The following NELL1 variants were observed in gnomAD, a reference collection of about 807,000 sequenced individuals.
NELL1 encodes the protein neural EGFL like 1.
Under a neutral mutation model 107.4 loss-of-function variants are expected in NELL1, and 76 were observed. That is an observed-to-expected ratio of 0.71 (90% confidence interval 0.59 to 0.86). The LOEUF (loss-of-function observed/expected upper bound fraction) is 0.86, where lower values mean the gene tolerates loss of function less well. Ranked by LOEUF, NELL1 falls within the 40% of genes least tolerant of loss-of-function variation. The pLI is 0.00. For synonymous variants in NELL1, 353 were observed against 341.2 expected (o/e 1.03, Z -0.38); for missense variants, 1,024 against 1,005.5 (o/e 1.02, Z -0.25).
At chr11:21,197,122 C>G (rs1461325543) in intron 13 of NELL1, among the ~76,000 whole-genome samples, 3 of 151,960 alleles carry the variant, frequency 2.0e-5, no homozygotes, top group Non-Finnish European at 2.9e-5. Context: ...TGTGATCCGC[C>G]TGCCTCAGCC....
chr11:21,398,761 C>A (rs1033586170), intron 15 of NELL1, among the ~76,000 whole-genome samples: 2 of 151,760 alleles, frequency 1.3e-5, no homozygotes, highest in Non-Finnish European at 2.9e-5. Flanking sequence ...GCTTAAAAAT[C>A]TACTTTTGTT....
chr11:21,002,533 G>A (rs1421676414), intron 12 of NELL1, among the ~76,000 whole-genome samples: 1 of 152,066 alleles, frequency 6.6e-6, no homozygotes, highest in Non-Finnish European at 1.5e-5. Context: ...GCAGAGCAAG[G>A]GTTAGCTACA....
chr11:20,732,654 G>A (rs762031147), intron 2 of NELL1, among the ~76,000 whole-genome samples: 30 of 152,150 alleles, frequency 2.0e-4, no homozygotes, highest in Non-Finnish European at 2.9e-4. Context: ...GAAGGCATAT[G>A]AGGCAGCAGG....
intron 2 of NELL1, among the ~76,000 whole-genome samples, chr11:20,714,194 A>ATTTTTTTTTTTTTT (rs34441596): frequency 4.9e-5 from 3 of 61,736 alleles, no homozygotes; most frequent in Non-Finnish European, 8.5e-5. Flanking sequence ...TATCTCCCCG[A>ATTTTTTTTTTTTTT]TTTTTTTTTT....
chr11:20,776,982 T>C (rs755088519), intron 2 of NELL1, among the ~76,000 whole-genome samples: 10 of 152,240 alleles, frequency 6.6e-5, no homozygotes, highest in Non-Finnish European at 1.5e-4. Context: ...ACAAATAGAT[T>C]GTTCATTCAT....
At chr11:20,686,373 A>G (rs974334488) in intron 2 of NELL1, among the ~76,000 whole-genome samples, 1 of 152,020 alleles carries the variant, frequency 6.6e-6, no homozygotes, top group African/African-American at 2.4e-5. Context: ...TAAGATTTTT[A>G]TTTTCTTCTT....
intron 3 of NELL1, among the ~76,000 whole-genome samples, chr11:20,828,516 A>G (rs1039201084): frequency 1.2e-4 from 18 of 152,186 alleles, no homozygotes; most frequent in African/African-American, 4.3e-4. Context: ...AATTTAACCT[A>G]GGGAGCTTGT....
Position 21,403,944 on chromosome 11 carries a change from TG to T in NELL1, c.1645+32998del, listed in dbSNP as rs575336045. On this transcript the variant is annotated intron_variant, in intron 15 of 19. Coordinates refer to ENST00000357134, the MANE Select transcript of NELL1 (RefSeq NM_006157.5). Reference sequence around the variant, plus strand: ...AGCAGCTAGAGCGTTCCGTGACTTATGGACTGTATCCTCCTCTAACCCTTGA... The same window carrying T: ...AGCAGCTAGAGCGTTCCGTGACTTATGACTGTATCCTCCTCTAACCCTTGA... 2.0e-5 allele frequency among the ~76,000 whole-genome samples: 3 copies of T among 149,982 alleles called. No individual in the cohort carries two copies. In the Admixed American group the frequency reaches 2.0e-4, roughly 10 times the overall value.
At chr11:20,802,261 C>A (rs932542572) in intron 3 of NELL1, among the ~76,000 whole-genome samples, 1 of 152,022 alleles carries the variant, frequency 6.6e-6, no homozygotes, top group Admixed American at 6.6e-5. Flanking sequence ...TCTTCACATT[C>A]TTTTATCAAT....
intron 13 of NELL1, 56 bp from the exon 14 acceptor site, chr11:21,229,276 C>T: frequency 1.3e-6 from 2 of 1,596,856 alleles, no homozygotes; most frequent in Non-Finnish European, 1.7e-6. Flanking sequence ...TTTCCCAATA[C>T]CAGTAATTCC....
intron 2 of NELL1, among the ~76,000 whole-genome samples, chr11:20,746,307 C>T (rs1263246293): frequency 6.6e-6 from 1 of 152,170 alleles, no homozygotes; most frequent in African/African-American, 2.4e-5. Context: ...TTTTCAAGAA[C>T]TCTAAGGTGA....
intron 2 of NELL1, among the ~76,000 whole-genome samples, chr11:20,690,968 G>C (rs1439549376): frequency 6.6e-6 from 1 of 152,050 alleles, no homozygotes; most frequent in African/African-American, 2.4e-5. Context: ...TTGAGCAGTG[G>C]TTTGTAGTTC....
At chr11:20,995,170 T>G (rs1317144945) in intron 12 of NELL1, among the ~76,000 whole-genome samples, 1 of 152,148 alleles carries the variant, frequency 6.6e-6, no homozygotes, top group Admixed American at 6.6e-5. Flanking sequence ...TTGATCACAT[T>G]AGGTATAGTG....
At chr11:20,859,335 TA>T (rs1848936704) in intron 4 of NELL1, among the ~76,000 whole-genome samples, 1 of 152,230 alleles carries the variant, frequency 6.6e-6, no homozygotes, top group African/African-American at 2.4e-5. Context: ...GTGTTGTTTT[TA>T]GATTCAAAGA....
chr11:20,884,027 T>C (rs1849458454), intron 4 of NELL1, among the ~76,000 whole-genome samples: 1 of 152,182 alleles, frequency 6.6e-6, no homozygotes, highest in Non-Finnish European at 1.5e-5. Context: ...TTTTCCTGAT[T>C]ATGTTTTGAG....
At chr11:21,064,315 C>A (rs528344858) in intron 12 of NELL1, among the ~76,000 whole-genome samples, 1 of 152,094 alleles carries the variant, frequency 6.6e-6, no homozygotes, top group African/African-American at 2.4e-5. Context: ...GTGGTAAAAA[C>A]GGACTATAAC....
At chr11:21,032,841 T>TA (rs754688960) in intron 12 of NELL1, among the ~76,000 whole-genome samples, 4 of 152,250 alleles carry the variant, frequency 2.6e-5, no homozygotes, top group Non-Finnish European at 5.9e-5. Context: ...ATGTAGGCTT[T>TA]GCTCATCATT....
chr11:20,680,203 C>A (rs1435127993), intron 2 of NELL1, among the ~76,000 whole-genome samples: 3 of 152,090 alleles, frequency 2.0e-5, no homozygotes, highest in Non-Finnish European at 4.4e-5. Flanking sequence ...TGTAAGGTAA[C>A]ATAATTATAG....
intron 13 of NELL1, among the ~76,000 whole-genome samples, chr11:21,165,843 A>G (rs1856468948): frequency 6.7e-6 from 1 of 148,262 alleles, no homozygotes; most frequent in Admixed American, 6.8e-5. Flanking sequence ...GGTCACTGCA[A>G]CCTCTGCCTC....
Sources: gnomAD v4.1 joint callset for allele counts (sites outside exome capture counted in the v4.1 genomes callset) on GRCh38, gnomAD v4.1.1 for gene constraint, MANE v1.5 for transcripts, NCBI Gene and HGNC (gene_info 2026-07-23, HGNC 2026-07-21) for gene names.